Variants in HMGB1 observed in about 807,000 individuals in gnomAD.
HMGB1 encodes high mobility group box 1.
For missense variants in HMGB1, 79 were observed against 253.5 expected (o/e 0.31, Z 4.67); for synonymous variants, 81 against 84.0 (o/e 0.96, Z 0.19).
rs549558629 is a variant in HMGB1 at position 30,492,896 on chromosome 13, C to A, written c.-14-29202G>T. Among the ~76,000 whole-genome samples the A allele has an allele frequency of 4.3e-4, 62 of 145,142 alleles. 1 individual carries two copies. In the South Asian group the frequency reaches 9.5e-3, roughly 22 times the overall value. On this transcript the variant is annotated intron_variant, in intron 1 of 4. Transcript: ENST00000405805. Reference sequence around the variant, plus strand: ...GTCCCAGCTACTCAGGAGCCTGAGGCAGGAGAATTGCTTGAACCTGGGAGG... The same window carrying A: ...GTCCCAGCTACTCAGGAGCCTGAGGAAGGAGAATTGCTTGAACCTGGGAGG...
At chr13:30,541,202 G>A (rs11617656) in intron 1 of HMGB1, among the ~76,000 whole-genome samples, 3 of 152,142 alleles carry the variant, frequency 2.0e-5, no homozygotes, top group African/African-American at 4.8e-5. Flanking sequence ...GCTGGAAAAC[G>A]AAACTCAGAG....
chr13:30,464,483 C>G, intron 1 of HMGB1: 1 of 985,100 alleles, frequency 1.0e-6, no homozygotes, highest in Non-Finnish European at 1.2e-6. Context: ...CCCCCCGCCC[C>G]TAGAACTTCG....
intron 1 of HMGB1, among the ~76,000 whole-genome samples, chr13:30,507,079 G>A (rs1035575809): frequency 3.9e-5 from 6 of 152,162 alleles, no homozygotes; most frequent in African/African-American, 1.4e-4. Flanking sequence ...CATCAGAATG[G>A]CATTCAAGGC....
intron 1 of HMGB1, among the ~76,000 whole-genome samples, chr13:30,573,685 G>C (rs1269432724): frequency 7.0e-6 from 1 of 143,800 alleles, no homozygotes. Context: ...GGGTCTCACT[G>C]TGCCACCCAG....
intron 1 of HMGB1, among the ~76,000 whole-genome samples, chr13:30,561,509 C>T (rs1053587515): frequency 2.3e-4 from 35 of 152,252 alleles, no homozygotes; most frequent in African/African-American, 8.4e-4. Context: ...AGGAAGGACA[C>T]TGCTGCCAAG....
At chr13:30,464,644 C>T (rs1363172559) in intron 1 of HMGB1, 3 of 983,814 alleles carry the variant, frequency 3.0e-6, no homozygotes, top group Non-Finnish European at 2.4e-6. Flanking sequence ...GAAATGGGGG[C>T]TGGCTCCGCC....
intron 1 of HMGB1, among the ~76,000 whole-genome samples, chr13:30,522,572 T>C (rs750427682): frequency 1.3e-5 from 2 of 152,088 alleles, no homozygotes; most frequent in Non-Finnish European, 2.9e-5. Flanking sequence ...GGACATAGTA[T>C]GACAACACCA....
At chr13:30,461,716 GATC>G (rs202182303) in intron 4 of HMGB1, 183 bp from the exon 5 acceptor site, 26,970 of 1,491,866 alleles carry the variant, frequency 0.018, 370 homozygotes, top group Non-Finnish European at 0.02. Context: ...AAAAATACAA[GATC>G]ATTATAACAA....
At chr13:30,547,530 G>C (rs915148733) in intron 1 of HMGB1, among the ~76,000 whole-genome samples, 3 of 152,160 alleles carry the variant, frequency 2.0e-5, no homozygotes, top group African/African-American at 7.2e-5. Context: ...GATACGTGTT[G>C]ATACAAACCA....
intron 1 of HMGB1, among the ~76,000 whole-genome samples, chr13:30,517,680 C>T (rs183634906): frequency 1.9e-4 from 29 of 152,294 alleles, no homozygotes; most frequent in Middle Eastern, 3.4e-3. Context: ...TGAGCCACTG[C>T]GCCTGGCCTC....
chr13:30,592,752 A>G (rs571910654), intron 1 of HMGB1, among the ~76,000 whole-genome samples: 63 of 152,192 alleles, frequency 4.1e-4, no homozygotes, highest in Non-Finnish European at 8.4e-4. Flanking sequence ...AGAAGATGGA[A>G]AGTTGCTTTG....
intron 1 of HMGB1, among the ~76,000 whole-genome samples, chr13:30,481,432 C>A (rs1255384782): frequency 6.6e-6 from 1 of 152,148 alleles, no homozygotes; most frequent in African/African-American, 2.4e-5. Context: ...AAGCACTAAC[C>A]GCTAAACGCT....
At chr13:30,479,560 C>T (rs905346863) in intron 1 of HMGB1, among the ~76,000 whole-genome samples, 6 of 152,124 alleles carry the variant, frequency 3.9e-5, no homozygotes, top group Non-Finnish European at 7.4e-5. Context: ...CTTTTTTTCA[C>T]TTCTTTTGTT....
At chr13:30,589,087 CCT>C (rs1354524316) in intron 1 of HMGB1, among the ~76,000 whole-genome samples, 1 of 150,756 alleles carries the variant, frequency 6.6e-6, no homozygotes, top group Non-Finnish European at 1.5e-5. Context: ...CTCACCACAA[CCT>C]CTGTCTCCCA....
intron 1 of HMGB1, among the ~76,000 whole-genome samples, chr13:30,529,237 G>C (rs780287200): frequency 1.3e-5 from 2 of 151,954 alleles, no homozygotes; most frequent in Non-Finnish European, 2.9e-5. Context: ...GTCTCTCTGC[G>C]TGCCCCCTTT....
At chr13:30,466,302 C>CG (rs903162578), upstream of HMGB1, among the ~76,000 whole-genome samples, 18 of 151,716 alleles carry the variant, frequency 1.2e-4, no homozygotes, top group Admixed American at 5.3e-4. Context: ...GGTCTCCCCC[C>CG]CCCTTCTTGC....
chr13:30,482,622 C>T (rs1181974109), intron 1 of HMGB1, among the ~76,000 whole-genome samples: 1 of 152,216 alleles, frequency 6.6e-6, no homozygotes, highest in Non-Finnish European at 1.5e-5. Context: ...TCTGACTCGA[C>T]ACCTTCCATG....
chr13:30,504,959 C>T (rs1413897192), intron 1 of HMGB1, among the ~76,000 whole-genome samples: 8 of 152,040 alleles, frequency 5.3e-5, no homozygotes, highest in African/African-American at 1.2e-4. Flanking sequence ...AAAATACCAA[C>T]GATTTATTTT....
rs60691018 is a variant in HMGB1, at chr13:30,500,536, A to ATTTTT, written c.-14-36847_-14-36843dup. ...ATGTGTGTGCTCCCTCACCTGGCTA[A>ATTTTT]TTTTTTTTTTTTTTTTTTTTTTTGA... On this transcript the variant is annotated intron_variant, in intron 1 of 4. Coordinates refer to the HMGB1 transcript ENST00000405805. 1.3e-4 allele frequency among the ~76,000 whole-genome samples: 17 copies of ATTTTT among 128,464 alleles called. 1 individual carries two copies. Among genetic ancestry groups the ATTTTT allele is most frequent in the African/African-American group, 5.3e-4 (16 of 30,464 alleles). 84.3% of individuals were successfully genotyped at this position (128,464 alleles called of 152,430 possible).
Sources: allele counts gnomAD v4.1 joint callset (sites outside exome capture counted in the v4.1 genomes callset), GRCh38; gene constraint gnomAD v4.1.1; transcripts MANE v1.5; gene names NCBI Gene and HGNC (gene_info 2026-07-23, HGNC 2026-07-21).